PAX5: variants seen among roughly 807,000 people sequenced by gnomAD.
The protein encoded by PAX5 is paired box protein Pax-5.
A neutral mutation model predicts 43.7 loss-of-function variants in PAX5; 9 were observed. That is an observed-to-expected ratio of 0.21 (90% CI 0.12 to 0.36). The LOEUF (loss-of-function observed/expected upper bound fraction) is 0.36. Ranked by LOEUF, PAX5 falls within the 10% of genes least tolerant of loss-of-function variation. PAX5 has a pLI of 1.00. For missense variants in PAX5, 383 were observed against 532.7 expected (o/e 0.72, Z 2.77); for synonymous variants, 228 against 214.3 (o/e 1.06, Z -0.56).
intron 8 of PAX5, among the ~76,000 whole-genome samples, chr9:36,851,973 C>T (rs1036391390): frequency 6.6e-6 from 1 of 152,238 alleles, no homozygotes; most frequent in Non-Finnish European, 1.5e-5. Context: ...ACCCAAGCTC[C>T]AGGCCGGCTC....
intron 3 of PAX5, among the ~76,000 whole-genome samples, chr9:37,009,300 G>A (rs1838736566): frequency 6.6e-6 from 1 of 152,112 alleles, no homozygotes; most frequent in South Asian, 2.1e-4. Flanking sequence ...ATGACCTTGG[G>A]TAAATTACTT....
chr9:36,909,910 C>T (rs1829125811), intron 7 of PAX5, among the ~76,000 whole-genome samples: 1 of 142,340 alleles, frequency 7.0e-6, no homozygotes, highest in Non-Finnish European at 1.5e-5. Flanking sequence ...CAGCCTTGAC[C>T]TCCTGGGCTC....
chr9:36,965,861 A>C (rs532365903), intron 6 of PAX5, among the ~76,000 whole-genome samples: 21 of 152,228 alleles, frequency 1.4e-4, no homozygotes, highest in Non-Finnish European at 2.8e-4. Context: ...TAGTCCAGAG[A>C]TCTTAGTCAG....
Position 36,933,522 on chromosome 9 carries a change from G to C in PAX5, c.781-10038C>G, listed in dbSNP as rs549932198. ...GCAGAACTAGAGCTCAGAGAGGGGAGCCCTGCTGCCCACCCCGTGTGCAGC... is the reference window on the plus strand; with the variant it reads ...GCAGAACTAGAGCTCAGAGAGGGGACCCCTGCTGCCCACCCCGTGTGCAGC... On this transcript the variant is annotated intron_variant, in intron 6 of 9. Transcript: ENST00000358127. 1.1e-4 allele frequency among the ~76,000 whole-genome samples: 17 copies of C among 152,306 alleles called. No homozygotes were observed. In the South Asian group the frequency reaches 2.9e-3, roughly 26 times the overall value.
intron 6 of PAX5, among the ~76,000 whole-genome samples, chr9:36,935,779 C>T (rs117810434): frequency 0.017 from 2,621 of 152,324 alleles, 34 homozygotes; most frequent in South Asian, 0.04. Flanking sequence ...CACTACTTTC[C>T]GAGGCAGCCA....
At chr9:36,964,123 T>A (rs549681210) in intron 6 of PAX5, among the ~76,000 whole-genome samples, 1 of 150,124 alleles carries the variant, frequency 6.7e-6, no homozygotes, top group East Asian at 2.0e-4. Flanking sequence ...TACTAAAAAA[T>A]AGAAAAAATT....
At chr9:37,021,166 T>C (rs1296589727) in intron 1 of PAX5, among the ~76,000 whole-genome samples, 2 of 152,106 alleles carry the variant, frequency 1.3e-5, no homozygotes, top group Non-Finnish European at 2.9e-5. Context: ...GGGGAGAAAA[T>C]ATGCATTAAA....
At chr9:36,965,542 C>T (rs955893634) in intron 6 of PAX5, among the ~76,000 whole-genome samples, 12 of 152,348 alleles carry the variant, frequency 7.9e-5, no homozygotes, top group Admixed American at 5.9e-4. Flanking sequence ...CCTCACCACA[C>T]GGTTCTCTCC....
chr9:36,958,400 G>A (rs958339300), intron 6 of PAX5, among the ~76,000 whole-genome samples: 1 of 151,938 alleles, frequency 6.6e-6, no homozygotes, highest in African/African-American at 2.4e-5. Context: ...TGACCATCAG[G>A]AAGCTCAGAA....
intron 5 of PAX5, among the ~76,000 whole-genome samples, chr9:36,985,336 G>T (rs907112048): frequency 1.3e-5 from 2 of 152,160 alleles, no homozygotes; most frequent in African/African-American, 2.4e-5. Flanking sequence ...TTTTTTGGAT[G>T]AAAGGTTGGT....
In PAX5 at chr9:36,838,881, C is replaced by T; in HGVS notation, c.*1679G>A. The T allele has an allele frequency of 4.3e-6, 1 of 233,314 alleles. No individual in the cohort carries two copies. Among genetic ancestry groups the T allele is most frequent in the South Asian group, 1.8e-4 (1 of 5,528 alleles). 14.5% of individuals were successfully genotyped at this position (233,314 alleles called of 1,614,324 possible). ...AGGTCCCACAGCAAAGACATGTGGC[C>T]AGGACCAGGACAAGACCTGCCTGGC... On this transcript the variant is annotated 3_prime_UTR_variant, in exon 10 of 10. Transcript: ENST00000358127.
At chr9:36,921,029 T>G (rs1830132727) in intron 7 of PAX5, among the ~76,000 whole-genome samples, 1 of 152,160 alleles carries the variant, frequency 6.6e-6, no homozygotes, top group Non-Finnish European at 1.5e-5. Flanking sequence ...GCCGGGCTGG[T>G]CTAGAACCCC....
chr9:36,873,283 AG>A (rs1267979132), intron 8 of PAX5, among the ~76,000 whole-genome samples: 1 of 152,186 alleles, frequency 6.6e-6, no homozygotes, highest in African/African-American at 2.4e-5. Context: ...GAGCTCCCTG[AG>A]GGCAGGGGCT....
At chr9:36,974,256 CT>C (rs1180638379) in intron 5 of PAX5, among the ~76,000 whole-genome samples, 4 of 152,110 alleles carry the variant, frequency 2.6e-5, no homozygotes, top group African/African-American at 9.7e-5. Context: ...AGCAAAACTC[CT>C]TGTGCGAGAC....
In PAX5 at chr9:36,873,696, G is replaced by A. The variant is rs545174944; in HGVS notation, c.1012+8308C>T. Among the ~76,000 whole-genome samples, 5 of 152,346 alleles carry A rather than the reference G, an allele frequency of 3.3e-5. No individual in the cohort carries two copies. The South Asian group carries it at 1.0e-3, about 32-fold the overall frequency. On this transcript the variant is annotated intron_variant, in intron 8 of 9. Transcript: ENST00000358127. ...CTTAGGTCACGGAGGTGCCTGGAGA[G>A]CACTGGTCCTCTCTCCATCTGATGC...
Position 37,023,729 on chromosome 9 carries a change from G to A in PAX5, c.47-2928C>T, listed in dbSNP as rs142214624. On this transcript the variant is annotated intron_variant, in intron 1 of 9. Coordinates refer to ENST00000358127, the MANE Select transcript of PAX5 (RefSeq NM_016734.3). ...GGATTTTGGGGAAAGGGACTTTGCT[G>A]ACTCAGCCACAGATTGAGCTCCAGG... Among the ~76,000 whole-genome samples, 253 of 152,216 alleles carry A rather than the reference G, an allele frequency of 1.7e-3. 2 individuals carry two copies. The highest frequency in any genetic ancestry group is 5.7e-3 in the African/African-American group (236 of 41,508).
intron 2 of PAX5, among the ~76,000 whole-genome samples, chr9:37,019,554 T>G (rs1839686249): frequency 6.6e-6 from 1 of 152,198 alleles, no homozygotes; most frequent in Non-Finnish European, 1.5e-5. Context: ...CTGAGAGAAT[T>G]TCTTGAATTC....
intron 5 of PAX5, among the ~76,000 whole-genome samples, chr9:36,997,254 C>G (rs1480464381): frequency 6.6e-6 from 1 of 152,198 alleles, no homozygotes; most frequent in Non-Finnish European, 1.5e-5. Flanking sequence ...AGGCTGGAAA[C>G]TCACTTGCAA....
intron 7 of PAX5, among the ~76,000 whole-genome samples, chr9:36,887,219 T>TATA (rs1826977806): frequency 6.6e-6 from 1 of 152,172 alleles, no homozygotes; most frequent in Admixed American, 6.5e-5. Context: ...ATGAAGTCTT[T>TATA]ATAATTAATA....
Sources: allele counts gnomAD v4.1 joint callset (sites outside exome capture counted in the v4.1 genomes callset), GRCh38; gene constraint gnomAD v4.1.1; transcripts MANE v1.5; gene names NCBI Gene and HGNC (gene_info 2026-07-23, HGNC 2026-07-21).